Variants in BCL2L13 observed in about 807,000 individuals in gnomAD.
BCL2L13 encodes the protein BCL2 like 13, also known as bcl-2-like protein 13.
A neutral mutation model predicts 25.8 loss-of-function variants in BCL2L13; 13 were observed. The observed-to-expected ratio is 0.50, with a 90% CI of 0.33 to 0.80. The LOEUF (loss-of-function observed/expected upper bound fraction) is 0.80. BCL2L13 is among the 30% of genes least tolerant of loss of function. The pLI is 0.02. For synonymous variants in BCL2L13, 244 were observed against 230.3 expected, an observed-to-expected ratio of 1.06 and a Z score of -0.54; for missense variants, 504 against 574.9, an observed-to-expected ratio of 0.88 and a Z score of 1.26.
At chr22:17,674,778 A>AG (rs1568957762) in intron 2 of BCL2L13, among the ~76,000 whole-genome samples, 1 of 152,130 alleles carries the variant, frequency 6.6e-6, no homozygotes, top group Non-Finnish European at 1.5e-5. Context: ...ATGCTACTGC[A>AG]TCTGGCTTGT....
chr22:17,670,015 GAA>G (rs2059366106), intron 2 of BCL2L13, among the ~76,000 whole-genome samples: 1 of 152,160 alleles, frequency 6.6e-6, no homozygotes, highest in African/African-American at 2.4e-5. Context: ...ACCATTTGTT[GAA>G]AAGTTATTCT....
rs111338893 is a variant in BCL2L13 at position 17,686,322 on chromosome 22, C to T, written c.230-2664C>T. The stretch of plus-strand genomic sequence containing the variant: ...AAAATTAGCCAGGCATGGTGGTGCA[C>T]ACCTGTAATTCCAGCTACCTCGGAG... On this transcript the variant is annotated intron_variant, in intron 3 of 6. Coordinates refer to ENST00000317582, the MANE Select transcript of BCL2L13 (RefSeq NM_015367.4). 4.2e-3 allele frequency among the ~76,000 whole-genome samples: 637 copies of T among 151,748 alleles called. 7 individuals carry two copies. Among genetic ancestry groups the T allele is most frequent in the African/African-American group, 0.015 (611 of 41,428 alleles).
intron 1 of BCL2L13, among the ~76,000 whole-genome samples, chr22:17,649,241 G>A (rs1397147172): frequency 6.6e-6 from 1 of 151,986 alleles, no homozygotes; most frequent in Non-Finnish European, 1.5e-5. Context: ...GGTATTATAG[G>A]CGCACGCCAC....
At chr22:17,677,337 A>G (rs1303986475) in intron 2 of BCL2L13, among the ~76,000 whole-genome samples, 2 of 152,240 alleles carry the variant, frequency 1.3e-5, no homozygotes, top group Admixed American at 1.3e-4. Context: ...AGGTATTTTA[A>G]ATACCTGTGG....
chr22:17,674,851 A>T (rs773415792), intron 2 of BCL2L13, among the ~76,000 whole-genome samples: 1 of 149,152 alleles, frequency 6.7e-6, no homozygotes, highest in African/African-American at 2.5e-5. Context: ...ATACTTTTTT[A>T]AAAAATTCCT....
At chr22:17,711,117 G>C (rs997667874) in intron 6 of BCL2L13, among the ~76,000 whole-genome samples, 1 of 152,024 alleles carries the variant, frequency 6.6e-6, no homozygotes, top group Non-Finnish European at 1.5e-5. Flanking sequence ...AGCAACTCAA[G>C]AGGCTGAGGT....
At chr22:17,636,062 G>A (rs2058100718), upstream of BCL2L13, among the ~76,000 whole-genome samples, 1 of 147,052 alleles carries the variant, frequency 6.8e-6, no homozygotes, top group Admixed American at 6.6e-5. Context: ...GGTGGCTCAC[G>A]CCTGTAATCC....
At chr22:17,688,768 G>GT (rs372765646) in intron 3 of BCL2L13, among the ~76,000 whole-genome samples, 18,017 of 133,466 alleles carry the variant, frequency 0.13, 1,670 homozygotes, top group Non-Finnish European at 0.2. Flanking sequence ...TGATATTGTT[G>GT]TTTTTTTTTT....
At chr22:17,656,239 CAA>C (rs71201857) in intron 2 of BCL2L13, among the ~76,000 whole-genome samples, 2 of 134,480 alleles carry the variant, frequency 1.5e-5, no homozygotes, top group African/African-American at 5.6e-5. Context: ...GACTCCATCT[CAA>C]AAAAAAAAAA....
intron 2 of BCL2L13, among the ~76,000 whole-genome samples, chr22:17,656,636 G>A (rs2587075): frequency 2.0e-5 from 3 of 151,336 alleles, no homozygotes; most frequent in South Asian, 4.2e-4. Flanking sequence ...TGTGAGCCAC[G>A]GCGCCCAACT....
chr22:17,694,869 T>TTTTCAGTCTG (rs778416197), intron 4 of BCL2L13, among the ~76,000 whole-genome samples: 1 of 152,190 alleles, frequency 6.6e-6, no homozygotes, highest in Non-Finnish European at 1.5e-5. Flanking sequence ...CCTGATTCTG[T>TTTTCAGTCTG]TTTCAGTCTG....
chr22:17,662,011 A>G (rs1340662083), intron 2 of BCL2L13, among the ~76,000 whole-genome samples: 4 of 151,814 alleles, frequency 2.6e-5, no homozygotes, highest in African/African-American at 7.3e-5. Context: ...AAAAAATTGC[A>G]TAATTATTTT....
At chr22:17,631,645 C>T (rs1363470254) in intron 1 of BCL2L13, among the ~76,000 whole-genome samples, 2 of 89,220 alleles carry the variant, frequency 2.2e-5, no homozygotes, top group African/African-American at 4.8e-5. Context: ...AGGAATGGTA[C>T]GTGTGTGTAT....
chr22:17,669,808 C>T (rs1371020708), intron 2 of BCL2L13, among the ~76,000 whole-genome samples: 1 of 152,180 alleles, frequency 6.6e-6, no homozygotes, highest in Non-Finnish European at 1.5e-5. Context: ...TGCTCAGCCC[C>T]CTCGCCATGT....
intron 6 of BCL2L13, among the ~76,000 whole-genome samples, chr22:17,705,315 T>C (rs1017301416): frequency 1.6e-4 from 24 of 150,596 alleles, no homozygotes; most frequent in African/African-American, 5.6e-4. Flanking sequence ...TTTTTTTTTT[T>C]CAGATGTAGT....
chr22:17,706,911 T>C, intron 6 of BCL2L13: 1 of 1,038,960 alleles, frequency 9.6e-7, no homozygotes, highest in East Asian at 4.9e-5. Flanking sequence ...AAAAGATTAC[T>C]GGAGGGAATG....
intron 6 of BCL2L13, among the ~76,000 whole-genome samples, chr22:17,715,139 TATATATATATATATATATATATATATA>T (rs1569007399): frequency 0.03 from 95 of 3,196 alleles, 2 homozygotes; most frequent in East Asian, 0.059. Flanking sequence ...TATATATATA[TATATATATATATATATATATATATATA>T]TATATTTTTT....
At chr22:17,664,625 A>G (rs1028727017) in intron 2 of BCL2L13, among the ~76,000 whole-genome samples, 2 of 152,146 alleles carry the variant, frequency 1.3e-5, no homozygotes, top group Non-Finnish European at 2.9e-5. Context: ...GAGGTTTTCC[A>G]TGAGGGCTCC....
At chr22:17,673,103 C>T (rs1260526279) in intron 2 of BCL2L13, among the ~76,000 whole-genome samples, 1 of 152,152 alleles carries the variant, frequency 6.6e-6, no homozygotes, top group East Asian at 1.9e-4. Flanking sequence ...TCTGAAGTCT[C>T]ATATTCTTTA....
Sources: allele counts gnomAD v4.1 joint callset (sites outside exome capture counted in the v4.1 genomes callset), GRCh38; gene constraint gnomAD v4.1.1; transcripts MANE v1.5; gene names NCBI Gene and HGNC (gene_info 2026-07-23, HGNC 2026-07-21).